Variants in ATP10B observed in about 807,000 individuals in gnomAD.
The protein encoded by ATP10B is phospholipid-transporting ATPase VB.
Under a neutral mutation model 141.2 loss-of-function variants are expected in ATP10B, and 122 were observed. That is an observed-to-expected ratio of 0.86 (90% confidence interval 0.75 to 1.00). ATP10B has a LOEUF of 1.00. Ranked by LOEUF, ATP10B falls within the 50% of genes least tolerant of loss-of-function variation. ATP10B has a pLI of 0.00. For missense variants in ATP10B, 1,876 were observed against 1,825.3 expected, an observed-to-expected ratio of 1.03 and a Z score of -0.51; for synonymous variants, 685 against 692.0, an observed-to-expected ratio of 0.99 and a Z score of 0.16.
chr5:160,855,742 A>G (rs10073642), upstream of ATP10B, among the ~76,000 whole-genome samples: 590 of 151,984 alleles, frequency 3.9e-3, 4 homozygotes, highest in African/African-American at 0.013. Context: ...TAAGTCTATG[A>G]TCCATTTTGA....
At chr5:160,886,272 T>C in the ATP10B span, among the ~76,000 whole-genome samples, 3 of 152,148 alleles carry the variant, frequency 2.0e-5, no homozygotes, top group African/African-American at 7.2e-5. Flanking sequence ...GATTTCAACC[T>C]TGGGGTTATT....
chr5:160,594,654 C>T (rs1756553298), intron 22 of ATP10B, among the ~76,000 whole-genome samples: 1 of 151,050 alleles, frequency 6.6e-6, no homozygotes, highest in Admixed American at 6.6e-5. Flanking sequence ...ATCTCATGTG[C>T]AGAGACACAC....
chr5:160,663,716 C>T (rs575546490), intron 7 of ATP10B, among the ~76,000 whole-genome samples: 39 of 152,062 alleles, frequency 2.6e-4, no homozygotes, highest in Non-Finnish European at 5.1e-4. Context: ...GTGCAGCACA[C>T]CAACATGGCA....
intron 1 of ATP10B, among the ~76,000 whole-genome samples, chr5:160,804,009 G>C (rs1045531384): frequency 6.6e-6 from 1 of 152,038 alleles, no homozygotes; most frequent in East Asian, 1.9e-4. Flanking sequence ...ACTGGAACTG[G>C]AGTTACTGTG....
intron 24 of ATP10B, among the ~76,000 whole-genome samples, chr5:160,578,592 T>C (rs1396365580): frequency 2.0e-5 from 3 of 152,208 alleles, no homozygotes; most frequent in African/African-American, 7.2e-5. Flanking sequence ...CAGTCTATCA[T>C]TGGTGGGCAT....
chr5:160,667,711 T>C (rs2127721612), intron 7 of ATP10B, among the ~76,000 whole-genome samples: 1 of 152,292 alleles, frequency 6.6e-6, no homozygotes, highest in African/African-American at 2.4e-5. Context: ...GAATGACCCT[T>C]TTACCTGACT....
Position 160,622,470 on chromosome 5 carries a change from G to C in ATP10B, c.1736C>G (p.Ser579Cys). 2 of 1,614,146 alleles carry C rather than the reference G, an allele frequency of 1.2e-6. No homozygotes were observed. Among genetic ancestry groups the C allele is most frequent in the Non-Finnish European group, 1.7e-6 (2 of 1,180,008 alleles). ...PAKASLSTTS[S>C]IADFFLALTI... ...TAAGGCAAGGAAGAAATCAGCAATG[G>C]AGGAGGTGGTGGAGAGGGAAGCCTT... The change falls in exon 14 of 26, where the codon TCC becomes TGC. Residue 579 changes from serine to cysteine, a missense_variant. Ser to Cys is a moderately radical substitution (Grantham distance 112). Transcript: ENST00000327245.
chr5:160,862,391 T>C, the ATP10B span, among the ~76,000 whole-genome samples: 1 of 151,976 alleles, frequency 6.6e-6, no homozygotes. Flanking sequence ...CCCTTCCTGA[T>C]GGTTTACCCT....
intron 1 of ATP10B, among the ~76,000 whole-genome samples, chr5:160,796,758 G>C (rs1771974036): frequency 2.6e-5 from 4 of 152,280 alleles, no homozygotes; most frequent in African/African-American, 9.6e-5. Context: ...GGGAAGGGAG[G>C]ATCTTGAGAG....
intron 6 of ATP10B, chr5:160,685,140 T>C: frequency 1.4e-6 from 1 of 698,620 alleles, no homozygotes; most frequent in Non-Finnish European, 2.6e-6. Context: ...TGTGAGACCA[T>C]CCTTCAAAGA....
At chr5:160,744,916 T>C (rs1236760674) in intron 2 of ATP10B, among the ~76,000 whole-genome samples, 2 of 152,182 alleles carry the variant, frequency 1.3e-5, no homozygotes, top group Non-Finnish European at 2.9e-5. Context: ...ACCCCTGTGG[T>C]GTACCAGGGT....
At chr5:160,624,976 T>A (rs1025843664) in intron 13 of ATP10B, among the ~76,000 whole-genome samples, 2 of 152,242 alleles carry the variant, frequency 1.3e-5, no homozygotes, top group Non-Finnish European at 2.9e-5. Context: ...TCCAAACCTA[T>A]TTCTCAACAG....
In ATP10B at chr5:160,642,070, A is replaced by C. The variant is rs146568135; in HGVS notation, c.869-1478T>G. Among the ~76,000 whole-genome samples, 23 of 151,844 alleles carry C rather than the reference A, an allele frequency of 1.5e-4. No homozygotes were observed. In the East Asian group the frequency reaches 4.5e-3, roughly 29 times the overall value. ...TGTTCTTTTGGAAAGAGTTGGGTTC[A>C]AGGGGAGGAAGTATGGGGCAGTGGA... On this transcript the variant is annotated intron_variant, in intron 9 of 25. Coordinates refer to ENST00000327245, the MANE Select transcript of ATP10B (RefSeq NM_025153.3).
intron 24 of ATP10B, among the ~76,000 whole-genome samples, chr5:160,580,229 C>T (rs1755456344): frequency 6.6e-6 from 1 of 152,126 alleles, no homozygotes; most frequent in East Asian, 1.9e-4. Context: ...GGGTGGCATC[C>T]TTGTTTTCTG....
chr5:160,825,113 A>G (rs1774479889), intron 1 of ATP10B, among the ~76,000 whole-genome samples: 1 of 151,886 alleles, frequency 6.6e-6, no homozygotes, highest in African/African-American at 2.4e-5. Flanking sequence ...ATGTCTCTCT[A>G]CCCCACTCTG....
At chr5:160,872,811 T>G in the ATP10B span, among the ~76,000 whole-genome samples, 11 of 152,216 alleles carry the variant, frequency 7.2e-5, no homozygotes, top group Non-Finnish European at 1.3e-4. Flanking sequence ...GGTAATGTGA[T>G]GCCTACAGAT....
intron 2 of ATP10B, among the ~76,000 whole-genome samples, chr5:160,778,558 A>G (rs13177273): frequency 0.15 from 22,842 of 152,214 alleles, 1,886 homozygotes; most frequent in African/African-American, 0.21. Flanking sequence ...ATTGTCATCT[A>G]GGAAGTCATG....
At chr5:160,921,367 A>T in the ATP10B span, among the ~76,000 whole-genome samples, 1 of 152,038 alleles carries the variant, frequency 6.6e-6, no homozygotes, top group Non-Finnish European at 1.5e-5. Context: ...TAAAATATAT[A>T]TAACTTTTAC....
chr5:160,650,601 A>G (rs1375401270), intron 7 of ATP10B, among the ~76,000 whole-genome samples: 2 of 152,218 alleles, frequency 1.3e-5, no homozygotes, highest in African/African-American at 4.8e-5. Context: ...AAGATAAAGT[A>G]ATCACCTCAG....
Sources: gnomAD v4.1 joint callset for allele counts (sites outside exome capture counted in the v4.1 genomes callset) on GRCh38, gnomAD v4.1.1 for gene constraint, MANE v1.5 for transcripts, NCBI Gene and HGNC (gene_info 2026-07-23, HGNC 2026-07-21) for gene names.